WLS: variants seen among roughly 807,000 people sequenced by gnomAD.
The protein encoded by WLS is protein wntless homolog.
Under a neutral mutation model 62.8 loss-of-function variants are expected in WLS, and 23 were observed. The observed-to-expected ratio is 0.37, with a 90% CI of 0.26 to 0.52. The LOEUF is 0.52. Ranked by LOEUF, WLS falls within the 20% of genes least tolerant of loss-of-function variation. WLS has a pLI of 0.92. For missense variants in WLS, 615 were observed against 697.3 expected (o/e 0.88, Z 1.33); for synonymous variants, 246 against 244.1 (o/e 1.01, Z -0.07).
chr1:68,142,116 A>G (rs796104967), intron 10 of WLS, among the ~76,000 whole-genome samples: 1 of 152,176 alleles, frequency 6.6e-6, no homozygotes, highest in Non-Finnish European at 1.5e-5. Flanking sequence ...TAAGAAGTAC[A>G]CTAATTAAAC....
intron 11 of WLS, among the ~76,000 whole-genome samples, chr1:68,116,099 G>A (rs1646288352): frequency 6.6e-6 from 1 of 152,180 alleles, no homozygotes; most frequent in Non-Finnish European, 1.5e-5. Context: ...TTAACTTCCA[G>A]GTTGCTCCCT....
At chr1:68,210,995 G>A (rs144102544) in intron 1 of WLS, among the ~76,000 whole-genome samples, 4 of 152,046 alleles carry the variant, frequency 2.6e-5, no homozygotes, top group South Asian at 2.1e-4. Context: ...GGAATGTACC[G>A]CCACCTCCCA....
chr1:68,123,931 G>T (rs190764533), downstream of WLS, among the ~76,000 whole-genome samples: 1 of 152,242 alleles, frequency 6.6e-6, no homozygotes, highest in African/African-American at 2.4e-5. Context: ...TGCTAGGAAA[G>T]TTCTAGTACA....
rs953778016 is a variant in WLS at position 68,125,812 on chromosome 1, G to A, written c.*414C>T. Reference sequence around the variant, plus strand: ...CACCAGCCTACCTTGGACTGGGACCGCAAAGGATGTTAAAATCTATCCTAG... The same window carrying A: ...CACCAGCCTACCTTGGACTGGGACCACAAAGGATGTTAAAATCTATCCTAG... On this transcript the variant is annotated 3_prime_UTR_variant, in exon 12 of 12. Coordinates refer to ENST00000262348, the MANE Select transcript of WLS (RefSeq NM_024911.7). The A allele has an allele frequency of 1.3e-5, 13 of 1,003,114 alleles. No individual in the cohort carries two copies. Among genetic ancestry groups the A allele is most frequent in the African/African-American group, 1.7e-5 (1 of 57,714 alleles). The allele number at this position is 1,003,114 out of a possible 1,614,324, so 62.1% of individuals were successfully genotyped here.
At position 68,137,272 on chromosome 1, in the gene WLS, A is replaced by T. The variant is rs1220567196; in HGVS notation, c.1516+508T>A. 3.4e-4 allele frequency among the ~76,000 whole-genome samples: 4 copies of T among 11,674 alleles called. No individual in the cohort carries two copies. The Non-Finnish European group carries it at 3.5e-3, about 10-fold the overall frequency. The allele number at this position is 11,674 out of a possible 152,430, so 7.7% of individuals were successfully genotyped here. The stretch of plus-strand genomic sequence containing the variant: ...CAGCAGCACATACCAGCACTAAAGG[A>T]CAGGAAGAACTGGGGACAGGAGAAT... On this transcript the variant is annotated intron_variant, in intron 11 of 11. Coordinates refer to ENST00000262348, the MANE Select transcript of WLS (RefSeq NM_024911.7).
chr1:68,146,384 G>A lies in WLS; in HGVS notation c.1135-372C>T, dbSNP rs185603284. On this transcript the variant is annotated intron_variant, in intron 8 of 11. Coordinates refer to ENST00000262348, the MANE Select transcript of WLS (RefSeq NM_024911.7). Reference sequence around the variant, plus strand: ...AGAAGCACTAATAAACCATATATTCGTCACTATGGATCAGATGAAAAACCA... The same window carrying A: ...AGAAGCACTAATAAACCATATATTCATCACTATGGATCAGATGAAAAACCA... 1.7e-3 allele frequency among the ~76,000 whole-genome samples: 263 copies of A among 152,176 alleles called. 3 individuals are homozygous for A. Among genetic ancestry groups the A allele is most frequent in the African/African-American group, 5.9e-3 (243 of 41,522 alleles).
chr1:68,146,127 A>T, intron 8 of WLS, 115 bp from the exon 9 acceptor site: 1 of 1,204,932 alleles, frequency 8.3e-7, no homozygotes, highest in South Asian at 1.6e-5. Context: ...ATATGTAGAA[A>T]ATTTTCAAGG....
At position 68,153,579 on chromosome 1, in the gene WLS, G is replaced by A. The variant is rs1646856299; in HGVS notation, c.741C>T (p.Ile247=). The change falls in exon 5 of 12, where the codon ATC becomes ATT. Residue 247 remains isoleucine, a synonymous_variant. Transcript: ENST00000262348. ...MKTFLTPSIF[I]IMVWYWRRIT... The stretch of plus-strand genomic sequence containing the variant: ...TCCTCCTCCAATACCACACCATAAT[G>A]ATGAAGATGCTGGGCGTAAGGAAGG... The A allele has an allele frequency of 1.9e-6, 3 of 1,614,074 alleles. No homozygotes were observed. Among genetic ancestry groups the A allele is most frequent in the Non-Finnish European group, 2.5e-6 (3 of 1,180,050 alleles).
chr1:68,209,500 C>T (rs781134858), intron 1 of WLS, among the ~76,000 whole-genome samples: 8 of 152,244 alleles, frequency 5.3e-5, no homozygotes, highest in South Asian at 4.1e-4. Context: ...TAAGTGTGGC[C>T]GGGCACGTTG....
chr1:68,153,311 G>A (rs1030358573), intron 5 of WLS, among the ~76,000 whole-genome samples: 3 of 152,056 alleles, frequency 2.0e-5, no homozygotes, highest in African/African-American at 7.2e-5. Context: ...AGCCAGAAAG[G>A]TGAGAGAGGT....
At chr1:68,113,638 C>T (rs17130482) in intron 11 of WLS, among the ~76,000 whole-genome samples, 3,288 of 152,252 alleles carry the variant, frequency 0.022, 120 homozygotes, top group African/African-American at 0.075. Flanking sequence ...GAAATATTGC[C>T]GCAAGCCTCA....
chr1:68,150,390 A>G, intron 5 of WLS, 34 bp from the exon 6 acceptor site: 1 of 1,607,088 alleles, frequency 6.2e-7, no homozygotes, highest in Non-Finnish European at 8.5e-7. Flanking sequence ...CAGCCACTTT[A>G]TTCATCTGGA....
intron 1 of WLS, among the ~76,000 whole-genome samples, chr1:68,225,123 C>T (rs1231410598): frequency 6.6e-6 from 1 of 151,424 alleles, no homozygotes; most frequent in Non-Finnish European, 1.5e-5. Context: ...CCCAGTCTTC[C>T]AATATGATTA....
At chr1:68,128,979 G>A (rs903616937) in intron 11 of WLS, among the ~76,000 whole-genome samples, 1 of 150,364 alleles carries the variant, frequency 6.7e-6, no homozygotes, top group Non-Finnish European at 1.5e-5. Context: ...CCAGCAGCCA[G>A]TGAGACTGCC....
chr1:68,230,588 C>CGCGCGTGTGT lies in WLS; in HGVS notation c.106+1605_106+1606insACACACGCGC, dbSNP rs1553139180. On this transcript the variant is annotated intron_variant, in intron 1 of 11. Coordinates refer to ENST00000262348, the MANE Select transcript of WLS (RefSeq NM_024911.7). ...GCCAACCCGTGTGTGTGTGTGCGCG[C>CGCGCGTGTGT]GTGTGTGTGTGTGTGTGTGTGTGTG... Among the ~76,000 whole-genome samples the CGCGCGTGTGT allele has an allele frequency of 2.7e-4, 41 of 149,152 alleles. 1 individual carries two copies. The highest frequency in any genetic ancestry group is 9.9e-4 in the African/African-American group (40 of 40,526).
rs538425828 is a variant in WLS, at chr1:68,116,384, C to T, written c.1511-17631G>A. 1.7e-4 allele frequency among the ~76,000 whole-genome samples: 26 copies of T among 152,264 alleles called. No individual in the cohort carries two copies. In the South Asian group the frequency reaches 5.2e-3, roughly 30 times the overall value. On this transcript the variant is annotated intron_variant, in intron 11 of 11. Transcript: ENST00000354777. ...CAGAAGATCAGTGTTTTTGCTTTTC[C>T]ATCTAATAATGGCTCCGTCTATACA... is the stretch of plus-strand genomic sequence containing the variant.
At chr1:68,184,819 C>T (rs566598353) in intron 2 of WLS, among the ~76,000 whole-genome samples, 1 of 152,148 alleles carries the variant, frequency 6.6e-6, no homozygotes, top group South Asian at 2.1e-4. Flanking sequence ...ACTCCTGTTC[C>T]CAAGTATCTA....
chr1:68,110,747 GTATATATA>G (rs56026766), intron 11 of WLS, among the ~76,000 whole-genome samples: 1 of 149,616 alleles, frequency 6.7e-6, no homozygotes, highest in Non-Finnish European at 1.5e-5. Context: ...ATATATGTGT[GTATATATA>G]TATATATTTG....
intron 11 of WLS, among the ~76,000 whole-genome samples, chr1:68,126,679 C>T (rs1557458949): frequency 1.3e-5 from 2 of 152,266 alleles, no homozygotes; most frequent in African/African-American, 2.4e-5. Context: ...CTTTAATCCT[C>T]GCAGAAGCCC....
Sources: allele counts gnomAD v4.1 joint callset (sites outside exome capture counted in the v4.1 genomes callset), GRCh38; gene constraint gnomAD v4.1.1; transcripts MANE v1.5; gene names NCBI Gene and HGNC (gene_info 2026-07-23, HGNC 2026-07-21).